Variants in NSD2 observed in about 807,000 individuals in gnomAD.
NSD2 encodes the protein histone-lysine N-methyltransferase NSD2.
Under a neutral mutation model 139.0 loss-of-function variants are expected in NSD2, and 12 were observed. That is an observed-to-expected ratio of 0.09 (90% confidence interval 0.06 to 0.14). NSD2 has a LOEUF of 0.14. NSD2 is among the 10% of genes least tolerant of loss of function. The pLI, the probability that NSD2 is intolerant of heterozygous loss-of-function variation, is 1.00. For synonymous variants in NSD2, 669 were observed against 648.7 expected (o/e 1.03, Z -0.48); for missense variants, 1,155 against 1,745.0 (o/e 0.66, Z 6.02).
intron 6 of NSD2, 152 bp from the exon 7 acceptor site, chr4:1,934,992 G>T: frequency 2.5e-6 from 1 of 408,148 alleles, no homozygotes; most frequent in East Asian, 3.9e-5. Flanking sequence ...GATTTGATCT[G>T]TAAGACATAA....
intron 9 of NSD2, chr4:1,941,138 T>C (rs180723416): frequency 9.5e-7 from 1 of 1,054,306 alleles, no homozygotes; most frequent in Non-Finnish European, 1.1e-6. Context: ...ATTTTTCCTT[T>C]TTCCTTTCTT....
chr4:1,946,146 T>C, intron 9 of NSD2: 1 of 1,026,954 alleles, frequency 9.7e-7, no homozygotes, highest in African/African-American at 1.7e-5. Context: ...TAAATTATAG[T>C]CTTTTGCCAG....
Position 1,980,679 on chromosome 4 carries a change from C to T in NSD2, c.*1770C>T. The T allele has an allele frequency of 4.3e-6, 1 of 233,246 alleles. No homozygotes were observed. The highest frequency in any genetic ancestry group is 8.5e-6 in the Non-Finnish European group (1 of 118,036). The allele number at this position is 233,246 out of a possible 1,614,324, so 14.4% of individuals were successfully genotyped here. On this transcript the variant is annotated 3_prime_UTR_variant, in exon 22 of 22. Coordinates refer to ENST00000508803, the MANE Select transcript of NSD2 (RefSeq NM_001042424.3). ...AAGTTTCACTGGCTGGTGGCTGTCC[C>T]TTCTCCCATCAGGGTCCCCAGCAAA...
At chr4:1,898,154 A>G (rs1026887512) in intron 1 of NSD2, among the ~76,000 whole-genome samples, 1 of 151,170 alleles carries the variant, frequency 6.6e-6, no homozygotes, top group Non-Finnish European at 1.5e-5. Flanking sequence ...TAGTGCAATC[A>G]TAGCTCACTG....
At chr4:1,944,132 G>A in intron 9 of NSD2, 1 of 1,066,372 alleles carries the variant, frequency 9.4e-7, no homozygotes, top group Non-Finnish European at 1.1e-6. Context: ...AGGTGGGCAG[G>A]GGCAAGTGAA....
rs898918813 is a variant in NSD2 at position 1,958,557 on chromosome 4, G to T, written c.2985+521G>T. On this transcript the variant is annotated intron_variant, in intron 16 of 21. Coordinates refer to ENST00000508803, the MANE Select transcript of NSD2 (RefSeq NM_001042424.3). This position sits in a 1 kb window ranked among gnomAD's most constrained non-coding sequence, Gnocchi z 4.6. ...AGCTCCAGGCCCCTCAGGGCTGCCT[G>T]CGCTCAGAGCTGGTGCGGCAAGCCG... Among the ~76,000 whole-genome samples the T allele has an allele frequency of 3.3e-5, 5 of 152,238 alleles. No homozygotes were observed. Among genetic ancestry groups the T allele is most frequent in the African/African-American group, 1.2e-4 (5 of 41,472 alleles).
At chr4:1,920,247 T>C (rs1051860675) in intron 5 of NSD2, among the ~76,000 whole-genome samples, 1 of 152,064 alleles carries the variant, frequency 6.6e-6, no homozygotes. Context: ...GTTAGGAGTT[T>C]GAGGCTAGTC....
intron 21 of NSD2, 107 bp from the exon 22 acceptor site, chr4:1,978,531 A>G (rs1205113203): frequency 2.0e-6 from 3 of 1,471,364 alleles, no homozygotes; most frequent in South Asian, 1.3e-5. Flanking sequence ...AGCCAGCACT[A>G]TTTTGTGTTC....
chr4:1,917,778 C>CTTT (rs34000332), intron 4 of NSD2, among the ~76,000 whole-genome samples: 4 of 122,672 alleles, frequency 3.3e-5, no homozygotes, highest in Admixed American at 8.3e-5. Context: ...TAAAAGTATT[C>CTTT]TTTTTTTTTT....
At chr4:1,893,032 T>G (rs912455875) in intron 1 of NSD2, 1 of 152,218 alleles carries the variant, frequency 6.6e-6, no homozygotes, top group Non-Finnish European at 1.5e-5. Flanking sequence ...GTTATTAGTC[T>G]TCTTCCTACA....
intron 1 of NSD2, among the ~76,000 whole-genome samples, chr4:1,894,317 T>C (rs1034858833): frequency 3.3e-5 from 5 of 152,188 alleles, no homozygotes; most frequent in African/African-American, 1.2e-4. Context: ...AGATGATTTG[T>C]TTTCATTTAT....
chr4:1,934,910 A>ATATATATAT lies in NSD2; in HGVS notation c.1556-234_1556-233insTATATATAT, dbSNP rs59927644. ...ATATATATATATATATATATATATA[A>ATATATATAT]AAAACAGATAAAACAGATGCTAATA... On this transcript the variant is annotated intron_variant, in intron 6 of 21. Coordinates refer to ENST00000508803, the MANE Select transcript of NSD2 (RefSeq NM_001042424.3). Among the ~76,000 whole-genome samples the ATATATATAT allele has an allele frequency of 4.0e-4, 43 of 106,302 alleles. 2 individuals are homozygous for ATATATATAT. Among genetic ancestry groups the ATATATATAT allele is most frequent in the South Asian group, 1.4e-3 (4 of 2,946 alleles). The allele number at this position is 106,302 out of a possible 152,430, so 69.7% of individuals were successfully genotyped here.
intron 3 of NSD2, among the ~76,000 whole-genome samples, chr4:1,908,069 G>A (rs953302485): frequency 6.6e-6 from 1 of 152,126 alleles, no homozygotes; most frequent in Non-Finnish European, 1.5e-5. Flanking sequence ...GGTGTAGGGC[G>A]TGTCCCCAGC....
At chr4:1,893,678 A>C (rs1715852955) in intron 1 of NSD2, 1 of 151,226 alleles carries the variant, frequency 6.6e-6, no homozygotes, top group African/African-American at 2.4e-5. Flanking sequence ...CAGCCTCCCC[A>C]GTAGCTGGGA....
intron 19 of NSD2, 22 bp downstream of exon 19, chr4:1,975,026 C>CA (rs759468329): frequency 6.2e-7 from 1 of 1,613,664 alleles, no homozygotes; most frequent in Non-Finnish European, 8.5e-7. Flanking sequence ...GGGGACCCTG[C>CA]ATGGGGCTCC....
In NSD2 at chr4:1,918,836, C is replaced by T. The variant is rs921153277; in HGVS notation, c.1410+213C>T. 96 of 619,522 alleles carry T rather than the reference C, an allele frequency of 1.5e-4. 1 individual carries two copies. The South Asian group carries it at 2.2e-3, about 14-fold the overall frequency. 38.4% of individuals were successfully genotyped at this position (619,522 alleles called of 1,614,324 possible). On this transcript the variant is annotated intron_variant, in intron 5 of 21. Coordinates refer to ENST00000508803, the MANE Select transcript of NSD2 (RefSeq NM_001042424.3). ...CACTCTGGGGTCTTAAAATATCCTT[C>T]CTAATGTGGATAAGAAGATACCGAG...
chr4:1,894,360 G>C (rs1715957171), intron 1 of NSD2, among the ~76,000 whole-genome samples: 1 of 152,042 alleles, frequency 6.6e-6, no homozygotes, highest in Non-Finnish European at 1.5e-5. Context: ...CTTTTATTCA[G>C]AATATCTAAT....
chr4:1,940,781 G>A (rs1156892191), intron 9 of NSD2: 10 of 1,059,726 alleles, frequency 9.4e-6, no homozygotes, highest in Non-Finnish European at 1.0e-5. Context: ...GGAAGGATGG[G>A]GTGTGCCTCA....
chr4:1,978,991 C>A lies in NSD2; in HGVS notation c.*82C>A. ...GCGGGAGAGGGCGAGCATGAACTGG[C>A]CCGGAGGACCCAGCTCGAGCCGCCA... On this transcript the variant is annotated 3_prime_UTR_variant, in exon 22 of 22. Coordinates refer to ENST00000508803, the MANE Select transcript of NSD2 (RefSeq NM_001042424.3). 7.0e-7 allele frequency: 1 copy of A among 1,423,598 alleles called. No individual in the cohort carries two copies. Among genetic ancestry groups the A allele is most frequent in the African/African-American group, 1.4e-5 (1 of 69,418 alleles). The allele number at this position is 1,423,598 out of a possible 1,614,324, so 88.2% of individuals were successfully genotyped here. A position where few individuals can be genotyped will look rare whatever the true frequency, so the allele number is the denominator to read the frequency against.
Sources: gnomAD v4.1 joint callset for allele counts (sites outside exome capture counted in the v4.1 genomes callset) on GRCh38, gnomAD v4.1.1 for gene constraint, Gnocchi (gnomAD v3.1) non-coding constraint, MANE v1.5 for transcripts, NCBI Gene and HGNC (gene_info 2026-07-23, HGNC 2026-07-21) for gene names.